The following PRUNE2 variants were observed in gnomAD, a reference collection of about 807,000 sequenced individuals.
PRUNE2 encodes the protein prune homolog 2 with BCH domain.
In PRUNE2, 164 loss-of-function variants were observed where a neutral mutation model predicts 252.0. The observed-to-expected ratio is 0.65, with a 90% CI of 0.57 to 0.74. The LOEUF (loss-of-function observed/expected upper bound fraction) is 0.74. Among genes scored for constraint, PRUNE2 ranks in the 30% least tolerant of loss-of-function variants. PRUNE2 has a pLI of 0.00. For synonymous variants in PRUNE2, 1,292 were observed against 1,350.2 expected (o/e 0.96, Z 0.94); for missense variants, 3,495 against 3,711.0 (o/e 0.94, Z 1.51).
At chr9:76,732,044 G>A (rs577376298) in intron 6 of PRUNE2, among the ~76,000 whole-genome samples, 36 of 152,322 alleles carry the variant, frequency 2.4e-4, no homozygotes, top group African/African-American at 8.2e-4. Flanking sequence ...GCCGGGCGCG[G>A]TGGCTCACGC....
At chr9:76,830,991 G>A (rs1050365701) in intron 4 of PRUNE2, among the ~76,000 whole-genome samples, 4 of 149,888 alleles carry the variant, frequency 2.7e-5, no homozygotes, top group Non-Finnish European at 4.4e-5. Flanking sequence ...GTGCAGTTGC[G>A]TGATCTCGGC....
chr9:76,709,653 T>C lies in PRUNE2; in HGVS notation c.2621A>G (p.Asp874Gly), dbSNP rs1003495562. ...IWGKKNNDSRDHIFAPGNPSS... is the reference protein window; with the variant it reads ...IWGKKNNDSRGHIFAPGNPSS... The stretch of plus-strand genomic sequence containing the variant: ...GGGATTTCCAGGTGCAAAGATGTGA[T>C]CCCTGGAGTCATTGTTTTTCTTGCC... The change falls in exon 8 of 19, where the codon GAT becomes GGT. Residue 874 changes from aspartate to glycine, a missense_variant. Coordinates refer to ENST00000376718, the MANE Select transcript of PRUNE2 (RefSeq NM_015225.3). The C allele has an allele frequency of 3.7e-6, 6 of 1,614,064 alleles. No individual in the cohort carries two copies. The Admixed American group carries it at 1.0e-4, about 27-fold the overall frequency.
intron 1 of PRUNE2, among the ~76,000 whole-genome samples, chr9:76,854,865 T>C (rs143056781): frequency 0.012 from 1,780 of 151,494 alleles, 42 homozygotes; most frequent in African/African-American, 0.041. Flanking sequence ...GAGATCGAGA[T>C]CATCTTGGCC....
chr9:76,670,980 CT>C (rs777341017), intron 9 of PRUNE2, among the ~76,000 whole-genome samples: 11 of 152,174 alleles, frequency 7.2e-5, no homozygotes, highest in Admixed American at 1.3e-4. Context: ...ACTGGAAACT[CT>C]AAAAAGCAGA....
At position 76,704,862 on chromosome 9, in the gene PRUNE2, A is replaced by AGT; in HGVS notation, c.7411_7412insAC (p.Val2471AspfsTer2). The AGT allele has an allele frequency of 6.2e-7, 1 of 1,603,676 alleles. No individual in the cohort carries two copies. The highest frequency in any genetic ancestry group is 8.5e-7 in the Non-Finnish European group (1 of 1,174,462). On this transcript the variant is annotated frameshift_variant, in exon 8 of 19. Coordinates refer to ENST00000376718, the MANE Select transcript of PRUNE2 (RefSeq NM_015225.3). LOFTEE classifies it high-confidence loss of function. ...AGACAAAATGTTGGAGCCTGCTCCT[A>AGT]CCGGCAAATAAACGGACTCAGGGTC...
chr9:76,715,727 G>A (rs1391324480), intron 6 of PRUNE2, among the ~76,000 whole-genome samples: 1 of 152,046 alleles, frequency 6.6e-6, no homozygotes, highest in Non-Finnish European at 1.5e-5. Context: ...ACAATAGAAA[G>A]ACATTAAATA....
intron 9 of PRUNE2, among the ~76,000 whole-genome samples, chr9:76,699,779 CAT>C (rs1284103262): frequency 2.0e-5 from 3 of 152,380 alleles, no homozygotes; most frequent in South Asian, 4.1e-4. Flanking sequence ...AAAACCCTAA[CAT>C]GTAACCAAAT....
At chr9:76,845,102 A>T (rs1189554663) in intron 4 of PRUNE2, among the ~76,000 whole-genome samples, 2 of 152,006 alleles carry the variant, frequency 1.3e-5, no homozygotes, top group Non-Finnish European at 2.9e-5. Flanking sequence ...AACTAAAACC[A>T]AGATAATTAA....
At chr9:76,667,540 C>A (rs2040439215) in intron 9 of PRUNE2, among the ~76,000 whole-genome samples, 1 of 52,472 alleles carries the variant, frequency 1.9e-5, no homozygotes, top group African/African-American at 4.8e-5. Flanking sequence ...GGTCCCCTTC[C>A]CCACAGTGCA....
At chr9:76,792,337 C>A (rs1018417823) in intron 6 of PRUNE2, among the ~76,000 whole-genome samples, 1 of 152,158 alleles carries the variant, frequency 6.6e-6, no homozygotes, top group Admixed American at 6.6e-5. Flanking sequence ...TGAGGCCTCC[C>A]CAGCCATGTG....
intron 4 of PRUNE2, among the ~76,000 whole-genome samples, chr9:76,833,525 G>C (rs750171816): frequency 6.3e-4 from 96 of 152,134 alleles, no homozygotes; most frequent in Non-Finnish European, 1.1e-3. Flanking sequence ...CCGCACTTTG[G>C]GAGGCTGAGG....
intron 11 of PRUNE2, among the ~76,000 whole-genome samples, chr9:76,651,515 G>C (rs935019429): frequency 2.6e-5 from 4 of 152,168 alleles, no homozygotes; most frequent in Non-Finnish European, 5.9e-5. Flanking sequence ...AGCAATAGCT[G>C]TGTCCCAGAC....
chr9:76,822,897 G>A (rs948638462), intron 6 of PRUNE2, among the ~76,000 whole-genome samples: 3 of 151,992 alleles, frequency 2.0e-5, no homozygotes, highest in Non-Finnish European at 2.9e-5. Context: ...CCATAAACTC[G>A]ACCTAAGAGC....
In PRUNE2 at chr9:76,707,166, T is replaced by C; in HGVS notation, c.5108A>G (p.Gln1703Arg). Residue 1703 changes from glutamine to arginine, a missense_variant, in exon 8 of 19, where the codon CAG (glutamine) becomes CGG (arginine). Transcript: ENST00000376718. ...CTCAGCAACGTGGCAGTTGGCCACC[T>C]GGATCTCTTCCTCTATTGACTCTTC... ...GGEESIEEEI[Q>R]VANCHVAEDE... is the part of the protein sequence containing the mutation. 3.1e-6 allele frequency: 5 copies of C among 1,613,992 alleles called. No individual in the cohort carries two copies. The highest frequency in any genetic ancestry group is 4.2e-6 in the Non-Finnish European group (5 of 1,179,866).
chr9:76,874,686 T>C (rs1788831940), intron 1 of PRUNE2, among the ~76,000 whole-genome samples: 1 of 152,182 alleles, frequency 6.6e-6, no homozygotes, highest in Non-Finnish European at 1.5e-5. Context: ...TTTAATAAGA[T>C]GGTTCACAAA....
intron 12 of PRUNE2, chr9:76,641,892 C>T: frequency 1.6e-6 from 2 of 1,253,454 alleles, no homozygotes; most frequent in Non-Finnish European, 2.1e-6. Flanking sequence ...CCAAAACATA[C>T]ACACACACAC....
chr9:76,666,351 G>A (rs936087523), intron 9 of PRUNE2, among the ~76,000 whole-genome samples: 6 of 152,192 alleles, frequency 3.9e-5, no homozygotes, highest in East Asian at 1.9e-4. Context: ...AGGCTTGCCC[G>A]CAGTTATCCG....
At chr9:76,841,042 G>A (rs772533059) in intron 4 of PRUNE2, among the ~76,000 whole-genome samples, 1 of 151,972 alleles carries the variant, frequency 6.6e-6, no homozygotes, top group Non-Finnish European at 1.5e-5. Context: ...GAACAGCTCC[G>A]GTCTGCAGCT....
chr9:76,829,090 C>T (rs1306733935), intron 4 of PRUNE2, among the ~76,000 whole-genome samples: 1 of 151,302 alleles, frequency 6.6e-6, no homozygotes, highest in African/African-American at 2.4e-5. Context: ...AGATCTTCAT[C>T]TGCCTCTCGC....
Sources: gnomAD v4.1 joint callset for allele counts (sites outside exome capture counted in the v4.1 genomes callset) on GRCh38, gnomAD v4.1.1 for gene constraint, MANE v1.5 for transcripts, NCBI Gene and HGNC (gene_info 2026-07-23, HGNC 2026-07-21) for gene names.